HAO1: variants seen among roughly 807,000 people sequenced by gnomAD.
HAO1 encodes 2-Hydroxyacid oxidase 1.
A neutral mutation model predicts 39.7 loss-of-function variants in HAO1; 34 were observed. The ratio of observed to expected loss-of-function variants is 0.86; its 90% CI spans 0.65 to 1.14. The LOEUF (loss-of-function observed/expected upper bound fraction) is 1.14. HAO1 is among the 50% of genes most tolerant of loss of function. The pLI, the probability that HAO1 is intolerant of heterozygous loss-of-function variation, is 0.00. For missense variants in HAO1, 479 were observed against 464.5 expected (o/e 1.03, Z -0.29); for synonymous variants, 172 against 173.2 (o/e 0.99, Z 0.05).
At chr20:7,903,137 C>T (rs2050228332) in intron 4 of HAO1, among the ~76,000 whole-genome samples, 1 of 152,166 alleles carries the variant, frequency 6.6e-6, no homozygotes, top group Non-Finnish European at 1.5e-5. Flanking sequence ...CCAGATTGAG[C>T]ATATGTGTTA....
chr20:7,925,880 T>C (rs2050356924), intron 2 of HAO1, among the ~76,000 whole-genome samples: 2 of 152,284 alleles, frequency 1.3e-5, no homozygotes, highest in South Asian at 4.1e-4. Flanking sequence ...AGATTCTAAT[T>C]TTTTAATAGG....
chr20:7,890,687 T>TC (rs1177384244), intron 5 of HAO1, among the ~76,000 whole-genome samples: 3 of 152,200 alleles, frequency 2.0e-5, no homozygotes, highest in Admixed American at 2.0e-4. Flanking sequence ...TTGTCTTTTA[T>TC]CCCTTGCCAC....
At chr20:7,895,011 C>T (rs2050190063) in intron 5 of HAO1, 122 bp downstream of exon 5, 2 of 678,522 alleles carry the variant, frequency 2.9e-6, no homozygotes, top group Admixed American at 4.3e-5. Flanking sequence ...CACATATTTG[C>T]ACGTATTTCA....
intron 7 of HAO1, among the ~76,000 whole-genome samples, chr20:7,884,154 A>G (rs2050140716): frequency 6.6e-6 from 1 of 152,226 alleles, no homozygotes; most frequent in Admixed American, 6.5e-5. Flanking sequence ...TTCTAGCTAC[A>G]GGTTCTTTCT....
intron 2 of HAO1, 53 bp downstream of exon 2, chr20:7,934,431 G>C (rs2050400209): frequency 1.4e-6 from 2 of 1,414,282 alleles, no homozygotes; most frequent in Admixed American, 2.1e-5. Flanking sequence ...CAGAGAAGGA[G>C]GTCGATAAAC....
chr20:7,922,329 A>G (rs1302695908), intron 2 of HAO1, among the ~76,000 whole-genome samples: 1 of 152,064 alleles, frequency 6.6e-6, no homozygotes, highest in Admixed American at 6.6e-5. Flanking sequence ...AGAAAAGGGA[A>G]CCCTTGTGGA....
intron 5 of HAO1, among the ~76,000 whole-genome samples, chr20:7,887,906 A>G (rs1478578342): frequency 3.3e-5 from 5 of 152,046 alleles, no homozygotes; most frequent in Admixed American, 6.6e-5. Context: ...TTTTTCTTTC[A>G]ATAGCTGCAG....
intron 4 of HAO1, among the ~76,000 whole-genome samples, chr20:7,903,594 CTGG>C (rs1033479724): frequency 1.6e-4 from 21 of 132,610 alleles, no homozygotes; most frequent in African/African-American, 5.2e-4. Context: ...GGTTATGGCG[CTGG>C]TGGTGGTGGT....
rs867686433 is a variant in HAO1, at chr20:7,900,937, A to C, written c.721+5217T>G. On this transcript the variant is annotated intron_variant, in intron 4 of 7. Coordinates refer to ENST00000378789, the MANE Select transcript of HAO1 (RefSeq NM_017545.3). ...AGCTACTACTCTAGTGAACACAGAA[A>C]TGATAAGAGAGCAAAGCAGCCTTAT... Among the ~76,000 whole-genome samples, 3 of 152,322 alleles carry C rather than the reference A, an allele frequency of 2.0e-5. No individual in the cohort carries two copies. The South Asian group carries it at 6.2e-4, about 32-fold the overall frequency.
chr20:7,922,295 T>C (rs913441695), intron 2 of HAO1, among the ~76,000 whole-genome samples: 2 of 152,112 alleles, frequency 1.3e-5, no homozygotes, highest in African/African-American at 4.8e-5. Context: ...ACACCAATGA[T>C]AACAAGTGTT....
chr20:7,891,247 T>A (rs1197871097), intron 5 of HAO1, among the ~76,000 whole-genome samples: 6 of 152,182 alleles, frequency 3.9e-5, no homozygotes, highest in African/African-American at 1.4e-4. Flanking sequence ...CTTTCAGGAG[T>A]AAGGTGGTAT....
rs1384243709 is a variant in HAO1, at chr20:7,885,652, T to C, written c.972+54A>G. 5 of 1,569,158 alleles carry C rather than the reference T, an allele frequency of 3.2e-6. No homozygotes were observed. In the African/African-American group the frequency reaches 6.8e-5, roughly 21 times the overall value. ...AAATCAGTCTGACTTGTTTTATTCA[T>C]TTGTTTTACTGTCAAGTTGTCTATT... is the stretch of plus-strand genomic sequence containing the variant. On this transcript the variant is annotated intron_variant, in intron 6 of 7. Coordinates refer to ENST00000378789, the MANE Select transcript of HAO1 (RefSeq NM_017545.3).
intron 5 of HAO1, among the ~76,000 whole-genome samples, chr20:7,892,600 G>A (rs1024945993): frequency 3.9e-5 from 6 of 152,106 alleles, no homozygotes; most frequent in African/African-American, 1.4e-4. Context: ...TCTTTTTCCA[G>A]TTGTGTGGAT....
At chr20:7,918,963 G>T (rs2050319154) in intron 2 of HAO1, among the ~76,000 whole-genome samples, 1 of 152,200 alleles carries the variant, frequency 6.6e-6, no homozygotes, top group African/African-American at 2.4e-5. Context: ...ATTTTGCAAA[G>T]GACAGGGGTT....
At chr20:7,921,573 T>C (rs1317826851) in intron 2 of HAO1, among the ~76,000 whole-genome samples, 2 of 152,132 alleles carry the variant, frequency 1.3e-5, no homozygotes, top group African/African-American at 2.4e-5. Flanking sequence ...AGAGTTTTTC[T>C]ACCATTCGAT....
At chr20:7,932,976 A>G (rs1332377529) in intron 2 of HAO1, among the ~76,000 whole-genome samples, 1 of 152,152 alleles carries the variant, frequency 6.6e-6, no homozygotes, top group Non-Finnish European at 1.5e-5. Flanking sequence ...TGAAATGCAC[A>G]TTTTCTCCCT....
intron 4 of HAO1, among the ~76,000 whole-genome samples, chr20:7,896,946 G>C (rs2050200620): frequency 1.3e-5 from 2 of 152,206 alleles, no homozygotes; most frequent in East Asian, 3.9e-4. Flanking sequence ...TGAATATCTT[G>C]TAGTCTGAGT....
intron 4 of HAO1, among the ~76,000 whole-genome samples, chr20:7,904,876 T>C (rs952687645): frequency 2.6e-5 from 4 of 152,192 alleles, no homozygotes; most frequent in Admixed American, 1.3e-4. Context: ...CCACAGTAAG[T>C]AGCACTAGTA....
rs543458750 is a variant in HAO1, at chr20:7,898,647, T to C, written c.722-3423A>G. Among the ~76,000 whole-genome samples, 20 of 152,276 alleles carry C rather than the reference T, an allele frequency of 1.3e-4. 1 individual carries two copies. The Middle Eastern group carries it at 0.014, about 104-fold the overall frequency. ...AATGTTCTAGATCTGTGCACTTCCA[T>C]CATACAGTACCACTAGTCATGTAGC... is the stretch of plus-strand genomic sequence containing the variant. On this transcript the variant is annotated intron_variant, in intron 4 of 7. Transcript: ENST00000378789.
Sources: allele counts gnomAD v4.1 joint callset (sites outside exome capture counted in the v4.1 genomes callset), GRCh38; gene constraint gnomAD v4.1.1; transcripts MANE v1.5; gene names NCBI Gene and HGNC (gene_info 2026-07-23, HGNC 2026-07-21).